The following ARID5A variants were observed in gnomAD, a reference collection of about 807,000 sequenced individuals.
ARID5A encodes AT-rich interaction domain 5A, also known as AT-rich interactive domain-containing protein 5A.
ARID5A carries 14 observed loss-of-function variants against 30.5 expected under a neutral mutation model. The ratio of observed to expected loss-of-function variants is 0.46; its 90% CI spans 0.30 to 0.72. The LOEUF (loss-of-function observed/expected upper bound fraction) is 0.72, where lower values mean the gene tolerates loss of function less well. Ranked by LOEUF, ARID5A falls within the 30% of genes least tolerant of loss-of-function variation. The pLI, the probability that ARID5A is intolerant of heterozygous loss-of-function variation, is 0.07. For synonymous variants in ARID5A, 338 were observed against 340.4 expected (o/e 0.99, Z 0.08); for missense variants, 669 against 786.2 (o/e 0.85, Z 1.78).
chr2:96,550,738 G>C lies in ARID5A; in HGVS notation c.570+5G>C, dbSNP rs1370409527. The C allele has an allele frequency of 6.4e-7, 1 of 1,553,932 alleles. No homozygotes were observed. The highest frequency in any genetic ancestry group is 1.4e-5 in the African/African-American group (1 of 73,016). On this transcript the variant is annotated splice_donor_5th_base_variant and intron_variant, in intron 6 of 6. Coordinates refer to ENST00000357485, the MANE Select transcript of ARID5A (RefSeq NM_212481.3). The surrounding 1 kb of genome is among the most constrained non-coding windows in gnomAD (Gnocchi z 6.6). ...GAGGAGCGGCGCATGGACCAGGTAG[G>C]CCTGCGGCTGGCTGGGGCCACCCTG... is the stretch of plus-strand genomic sequence containing the variant.
rs2066061506 is a variant in ARID5A, at chr2:96,552,097, A to C, written c.1569A>C (p.Ala523=). ...GTPGPLKGQA[A]LPFSPLVIPA... is the part of the protein sequence containing the mutation. ...CGGGCCCCTTGAAGGGCCAGGCTGC[A>C]CTCCCCTTCAGCCCCCTGGTCATCC... The change falls in exon 7 of 7, where the codon GCA becomes GCC. Residue 523 remains alanine, a synonymous_variant. Transcript: ENST00000357485. 1 of 1,602,898 alleles carries C rather than the reference A, an allele frequency of 6.2e-7. No individual in the cohort carries two copies. The highest frequency in any genetic ancestry group is 1.3e-5 in the African/African-American group (1 of 74,622).
Position 96,551,696 on chromosome 2 carries a change from G to A in ARID5A, c.1168G>A (p.Gly390Ser), listed in dbSNP as rs748022994. 3.9e-6 allele frequency: 6 copies of A among 1,521,204 alleles called. No homozygotes were observed. In the African/African-American group the frequency reaches 8.4e-5, roughly 21 times the overall value. 94.2% of individuals were successfully genotyped at this position (1,521,204 alleles called of 1,614,324 possible). The change falls in exon 7 of 7, where the codon GGC becomes AGC. Residue 390 changes from glycine (G) to serine (S), a missense_variant. Gly to Ser is a moderately conservative substitution (Grantham distance 56). Around this residue, in one of 4 missense-constraint regions of ARID5A, gnomAD observed 548 missense variants for 577.4 expected, o/e 0.95. Transcript: ENST00000357485. ...AGTGAAAGAGCCCCAGCTGGTGTGGGGCGGAGACGCTAACCGCCCTTCTGC... is the reference window on the plus strand; with the variant it reads ...AGTGAAAGAGCCCCAGCTGGTGTGGAGCGGAGACGCTAACCGCCCTTCTGC... Reference protein sequence around the residue: ...LSVKEPQLVWGGDANRPSAFH... With the variant: ...LSVKEPQLVWSGDANRPSAFH...
intron 1 of ARID5A, among the ~76,000 whole-genome samples, chr2:96,545,770 A>C (rs904953643): frequency 6.6e-6 from 1 of 151,842 alleles, no homozygotes; most frequent in Non-Finnish European, 1.5e-5. Flanking sequence ...TCTGGCCAAT[A>C]TGGTGAAACC....
rs752789732 is a variant in ARID5A at position 96,552,126 on chromosome 2, CCTTCCCGGCCCA to C, written c.1604_1615del (p.Pro535_Phe538del). The C allele has an allele frequency of 6.2e-7, 1 of 1,611,742 alleles. No homozygotes were observed. The highest frequency in any genetic ancestry group is 1.3e-5 in the African/African-American group (1 of 75,050). Reference sequence around the variant, plus strand: ...CCCTTCAGCCCCCTGGTCATCCCGGCCTTCCCGGCCCACTTCCTGGCCACCGCAGGCCCCTCG... The same window carrying C: ...CCCTTCAGCCCCCTGGTCATCCCGGCCTTCCTGGCCACCGCAGGCCCCTCG... On this transcript the variant is annotated inframe_deletion, in exon 7 of 7. Transcript: ENST00000357485.
At chr2:96,545,894 C>T (rs1343149847) in intron 1 of ARID5A, among the ~76,000 whole-genome samples, 1 of 151,528 alleles carries the variant, frequency 6.6e-6, no homozygotes, top group Non-Finnish European at 1.5e-5. Flanking sequence ...GCGAAGATTG[C>T]AGTGAGCCAA....
chr2:96,547,765 A>AT (rs1187890738), intron 2 of ARID5A, among the ~76,000 whole-genome samples: 1 of 152,178 alleles, frequency 6.6e-6, no homozygotes, highest in African/African-American at 2.4e-5. Context: ...AACAGACAAA[A>AT]GCTCCAGCCC....
chr2:96,542,788 G>A (rs934382049), intron 1 of ARID5A, among the ~76,000 whole-genome samples: 1 of 152,142 alleles, frequency 6.6e-6, no homozygotes, highest in African/African-American at 2.4e-5. Flanking sequence ...ACATGGAGAG[G>A]GTCTGTCGAT....
chr2:96,546,316 A>G (rs909368753), intron 1 of ARID5A, among the ~76,000 whole-genome samples: 1 of 152,260 alleles, frequency 6.6e-6, no homozygotes, highest in Non-Finnish European at 1.5e-5. Flanking sequence ...CAGAAAGAAA[A>G]GGTTGTCAGA....
intron 1 of ARID5A, 105 bp downstream of exon 1, chr2:96,536,935 CTG>C (rs2065743356): frequency 2.5e-6 from 3 of 1,202,304 alleles, no homozygotes; most frequent in Non-Finnish European, 2.1e-6. Context: ...AGTCGGTGCG[CTG>C]TGTGGGGCGG....
rs1462160462 is a variant in ARID5A, at chr2:96,552,529, A to G, written c.*216A>G. The G allele has an allele frequency of 7.8e-6, 12 of 1,531,846 alleles. No individual in the cohort carries two copies. Among genetic ancestry groups the G allele is most frequent in the South Asian group, 7.2e-5 (6 of 83,168 alleles). The allele number at this position is 1,531,846 out of a possible 1,614,324, so 94.9% of individuals were successfully genotyped here. A position where few individuals can be genotyped will look rare whatever the true frequency, so the allele number is the denominator to read the frequency against. On this transcript the variant is annotated 3_prime_UTR_variant, in exon 7 of 7. Coordinates refer to ENST00000357485, the MANE Select transcript of ARID5A (RefSeq NM_212481.3). ...CCCAGGAGCAGAGGACCCAGTTGTT[A>G]TAAGGCGCTGGGAGAGGATGGGCAG...
At chr2:96,544,189 T>C (rs1271388283) in intron 1 of ARID5A, among the ~76,000 whole-genome samples, 1 of 152,228 alleles carries the variant, frequency 6.6e-6, no homozygotes, top group East Asian at 1.9e-4. Context: ...CACATAAAAG[T>C]GCAAGGCGAA....
rs1262052075 is a variant in ARID5A at position 96,539,768 on chromosome 2, C to G, written c.4+2938C>G. Among the ~76,000 whole-genome samples, 1 of 152,104 alleles carries G rather than the reference C, an allele frequency of 6.6e-6. No homozygotes were observed. The highest frequency in any genetic ancestry group is 1.5e-5 in the Non-Finnish European group (1 of 68,018). Reference sequence around the variant, plus strand: ...GCCCAGCTCTCTGACCAGCCCCCTCCCATCCCTGAGCCTGGATGCCTTAGC... The same window carrying G: ...GCCCAGCTCTCTGACCAGCCCCCTCGCATCCCTGAGCCTGGATGCCTTAGC... On this transcript the variant is annotated intron_variant, in intron 1 of 6. Coordinates refer to ENST00000357485, the MANE Select transcript of ARID5A (RefSeq NM_212481.3). This position sits in a 1 kb window ranked among gnomAD's most constrained non-coding sequence, Gnocchi z 4.7.
Position 96,552,584 on chromosome 2 carries a change from C to T in ARID5A, c.*271C>T, listed in dbSNP as rs969465061. On this transcript the variant is annotated 3_prime_UTR_variant, in exon 7 of 7. Transcript: ENST00000357485. Reference sequence around the variant, plus strand: ...CACTGCCCCAGAGCGGAGCTCGAAGCACCCAGGTTGCCCACGGAAAATCCA... The same window carrying T: ...CACTGCCCCAGAGCGGAGCTCGAAGTACCCAGGTTGCCCACGGAAAATCCA... 5.0e-5 allele frequency: 74 copies of T among 1,487,740 alleles called. No homozygotes were observed. In the Middle Eastern group the frequency reaches 1.4e-3, roughly 28 times the overall value. The allele number at this position is 1,487,740 out of a possible 1,614,324, so 92.2% of individuals were successfully genotyped here. A position where few individuals can be genotyped will look rare whatever the true frequency, so the allele number is the denominator to read the frequency against.
intron 1 of ARID5A, among the ~76,000 whole-genome samples, chr2:96,544,398 GGGC>G (rs2065892178): frequency 6.6e-6 from 1 of 152,194 alleles, no homozygotes; most frequent in Admixed American, 6.5e-5. Context: ...CTCTTGTTAG[GGGC>G]TAATGCAGCT....
chr2:96,548,241 G>A (rs1432586922), intron 2 of ARID5A, among the ~76,000 whole-genome samples: 3 of 152,100 alleles, frequency 2.0e-5, no homozygotes, highest in South Asian at 4.2e-4. Flanking sequence ...AACAAAAAAA[G>A]TAAAAACACT....
chr2:96,544,524 A>G (rs2065894438), intron 1 of ARID5A, among the ~76,000 whole-genome samples: 1 of 152,226 alleles, frequency 6.6e-6, no homozygotes, highest in Non-Finnish European at 1.5e-5. Flanking sequence ...TGAAATAACA[A>G]AGCCTGGATG....
chr2:96,543,528 C>T (rs2065879356), intron 1 of ARID5A, among the ~76,000 whole-genome samples: 1 of 152,052 alleles, frequency 6.6e-6, no homozygotes, highest in Non-Finnish European at 1.5e-5. Flanking sequence ...TTATGGTGAT[C>T]TGTGATCAGT....
In ARID5A at chr2:96,537,796, T is replaced by G; in HGVS notation, c.4+966T>G. ...CGTCACCCTCCGCCCAGCGCCGGCG[T>G]GGTGGGGCTTGCGCGGTGCAGGACC... On this transcript the variant is annotated intron_variant, in intron 1 of 6. Coordinates refer to ENST00000357485, the MANE Select transcript of ARID5A (RefSeq NM_212481.3). The surrounding 1 kb of genome is among the most constrained non-coding windows in gnomAD (Gnocchi z 4.8). 2 of 922,438 alleles carry G rather than the reference T, an allele frequency of 2.2e-6. No individual in the cohort carries two copies. Among genetic ancestry groups the G allele is most frequent in the South Asian group, 5.0e-5 (1 of 20,112 alleles). The allele number at this position is 922,438 out of a possible 1,614,324, so 57.1% of individuals were successfully genotyped here.
At chr2:96,548,834 G>T (rs148423998) in intron 2 of ARID5A, among the ~76,000 whole-genome samples, 1 of 152,208 alleles carries the variant, frequency 6.6e-6, no homozygotes. Context: ...ACAGAGGCTC[G>T]GGGAACATGG....
Sources: gnomAD v4.1 joint callset for allele counts (sites outside exome capture counted in the v4.1 genomes callset) on GRCh38, gnomAD v4.1.1 for gene constraint, gnomAD v4.1.1 regional missense constraint, Gnocchi (gnomAD v3.1) non-coding constraint, MANE v1.5 for transcripts, NCBI Gene and HGNC (gene_info 2026-07-23, HGNC 2026-07-21) for gene names.